The following AUTS2 variants were observed in gnomAD, a reference collection of about 807,000 sequenced individuals.
AUTS2 encodes the protein activator of transcription and developmental regulator AUTS2.
Under a neutral mutation model 112.4 loss-of-function variants are expected in AUTS2, and 17 were observed. The ratio of observed to expected loss-of-function variants is 0.15; its 90% CI spans 0.10 to 0.23. The LOEUF is 0.23. Ranked by LOEUF, AUTS2 falls within the 10% of genes least tolerant of loss-of-function variation. The probability of loss-of-function intolerance (pLI) is 1.00; values close to 1 mark genes in which losing one functional copy is unlikely to be tolerated. For missense variants in AUTS2, 1,510 were observed against 1,701.6 expected, an observed-to-expected ratio of 0.89 and a Z score of 1.98; for synonymous variants, 751 against 702.7, an observed-to-expected ratio of 1.07 and a Z score of -1.09.
intron 4 of AUTS2, among the ~76,000 whole-genome samples, chr7:70,350,834 C>G (rs1350863860): frequency 6.6e-6 from 1 of 152,160 alleles, no homozygotes; most frequent in Non-Finnish European, 1.5e-5. Context: ...CTAGACTTAA[C>G]TGCAAGTTTC....
chr7:70,457,108 G>A (rs1437249749), intron 5 of AUTS2, among the ~76,000 whole-genome samples: 2 of 152,212 alleles, frequency 1.3e-5, no homozygotes, highest in African/African-American at 4.8e-5. Context: ...CAGTCAGTGT[G>A]ACAGTGAACA....
chr7:70,316,143 T>C lies in AUTS2; in HGVS notation c.661-119609T>C, dbSNP rs529717382. Among the ~76,000 whole-genome samples, 63 of 152,326 alleles carry C rather than the reference T, an allele frequency of 4.1e-4. 1 individual carries two copies. Among genetic ancestry groups the C allele is most frequent in the African/African-American group, 1.3e-3 (55 of 41,584 alleles). ...GTCATAATGTAATAAGAAGTGGGGATAAGTGGTTGATTAACCAAAAGTTAG... is the reference window on the plus strand; with the variant it reads ...GTCATAATGTAATAAGAAGTGGGGACAAGTGGTTGATTAACCAAAAGTTAG... On this transcript the variant is annotated intron_variant, in intron 4 of 18. Transcript: ENST00000342771.
intron 5 of AUTS2, among the ~76,000 whole-genome samples, chr7:70,594,144 CCTCTAA>C (rs1432738885): frequency 1.3e-5 from 2 of 152,140 alleles, no homozygotes; most frequent in Non-Finnish European, 2.9e-5. Flanking sequence ...CCCTAGAGGG[CCTCTAA>C]CTGTGGCTGA....
chr7:70,726,878 A>G (rs1236045253), intron 6 of AUTS2, among the ~76,000 whole-genome samples: 1 of 152,216 alleles, frequency 6.6e-6, no homozygotes, highest in Non-Finnish European at 1.5e-5. Flanking sequence ...ATTTTAAAGC[A>G]TCTAAAAGCC....
chr7:70,702,373 C>G (rs1387345826), intron 6 of AUTS2, among the ~76,000 whole-genome samples: 1 of 152,190 alleles, frequency 6.6e-6, no homozygotes, highest in Non-Finnish European at 1.5e-5. Flanking sequence ...CAGGATTTAG[C>G]CCGTAACCAA....
chr7:69,732,237 C>T (rs1786830032), intron 1 of AUTS2, among the ~76,000 whole-genome samples: 1 of 152,104 alleles, frequency 6.6e-6, no homozygotes, highest in South Asian at 2.1e-4. Flanking sequence ...CCCTCCCTCC[C>T]CTTTGGTATT....
At chr7:70,634,265 G>T (rs577147344) in intron 5 of AUTS2, among the ~76,000 whole-genome samples, 3 of 152,228 alleles carry the variant, frequency 2.0e-5, no homozygotes, top group Non-Finnish European at 4.4e-5. Context: ...AAAGGGGCGT[G>T]TGAGCCAAGA....
At chr7:69,621,150 A>AGT (rs1225327340) in intron 1 of AUTS2, among the ~76,000 whole-genome samples, 1 of 152,168 alleles carries the variant, frequency 6.6e-6, no homozygotes, top group East Asian at 1.9e-4. Flanking sequence ...ATTCTCACAG[A>AGT]GTGGTTCTAT....
intron 4 of AUTS2, among the ~76,000 whole-genome samples, chr7:70,174,137 G>C (rs534637756): frequency 6.6e-6 from 1 of 152,218 alleles, no homozygotes; most frequent in African/African-American, 2.4e-5. Flanking sequence ...AATAATAGGT[G>C]CTACTCCAGT....
chr7:69,827,723 C>T (rs562364092), intron 1 of AUTS2, among the ~76,000 whole-genome samples: 30 of 152,288 alleles, frequency 2.0e-4, no homozygotes, highest in Non-Finnish European at 1.6e-4. Flanking sequence ...CATTTAAAGT[C>T]TCATGAAATG....
chr7:70,668,074 C>G (rs6973183), intron 5 of AUTS2, among the ~76,000 whole-genome samples: 101,588 of 152,156 alleles, frequency 0.67, 35,312 homozygotes, highest in African/African-American at 0.85. Flanking sequence ...CCACCTCCTG[C>G]GTCCAAGTGG....
chr7:70,071,821 C>T lies in AUTS2; in HGVS notation c.523-46311C>T, dbSNP rs183966762. Among the ~76,000 whole-genome samples the T allele has an allele frequency of 7.2e-5, 11 of 152,272 alleles. No individual in the cohort carries two copies. In the East Asian group the frequency reaches 1.9e-3, roughly 27 times the overall value. The stretch of plus-strand genomic sequence containing the variant: ...TTTAGACAAAAAAGAAATATTGTGG[C>T]TGGGGAAGCATTTAAGTTAGAGGAG... On this transcript the variant is annotated intron_variant, in intron 2 of 18. Transcript: ENST00000342771.
At position 70,350,483 on chromosome 7, in the gene AUTS2, C is replaced by T. The variant is rs190393944; in HGVS notation, c.661-85269C>T. Among the ~76,000 whole-genome samples, 87 of 152,228 alleles carry T rather than the reference C, an allele frequency of 5.7e-4. 1 individual carries two copies. The highest frequency in any genetic ancestry group is 5.4e-3 in the Admixed American group (83 of 15,286). On this transcript the variant is annotated intron_variant, in intron 4 of 18. Coordinates refer to ENST00000342771, the MANE Select transcript of AUTS2 (RefSeq NM_015570.4). ...AAGGTGCGAAGGAGGTGCAAAAGTA[C>T]GTCTTACATGGTGGCAGGCAAGGGA...
chr7:70,598,956 T>C (rs569080040), intron 5 of AUTS2, among the ~76,000 whole-genome samples: 1 of 152,318 alleles, frequency 6.6e-6, no homozygotes, highest in African/African-American at 2.4e-5. Context: ...AAACAAGACA[T>C]GAACAGGCCT....
intron 4 of AUTS2, among the ~76,000 whole-genome samples, chr7:70,198,231 A>AAG (rs1446537669): frequency 6.6e-6 from 1 of 151,064 alleles, no homozygotes; most frequent in African/African-American, 2.4e-5. Context: ...TAAAACCACA[A>AAG]AGATGGGGAA....
At chr7:69,815,523 A>G (rs1487320874) in intron 1 of AUTS2, among the ~76,000 whole-genome samples, 1 of 151,984 alleles carries the variant, frequency 6.6e-6, no homozygotes, top group Non-Finnish European at 1.5e-5. Flanking sequence ...CTTTATGACT[A>G]CTTTTTTTTT....
In AUTS2 at chr7:70,731,420, C is replaced by CTTTTT. The variant is rs56244002; in HGVS notation, c.743-31427_743-31423dup. ...GCTCATATATCCCCTTTACCCAGAT[C>CTTTTT]TTTTTTTTTTTTTTTTTTTTTTTTT... On this transcript the variant is annotated intron_variant, in intron 6 of 18. Transcript: ENST00000342771. Among the ~76,000 whole-genome samples, 404 of 69,512 alleles carry CTTTTT rather than the reference C, an allele frequency of 5.8e-3. 65 individuals carry two copies. Among genetic ancestry groups the CTTTTT allele is most frequent in the East Asian group, 0.026 (46 of 1,798 alleles). 45.6% of individuals were successfully genotyped at this position (69,512 alleles called of 152,430 possible).
intron 1 of AUTS2, among the ~76,000 whole-genome samples, chr7:69,604,550 G>A (rs550582397): frequency 1.3e-5 from 2 of 152,338 alleles, no homozygotes; most frequent in South Asian, 4.1e-4. Flanking sequence ...GTTCCAGAAG[G>A]CTTCATGGGT....
intron 5 of AUTS2, among the ~76,000 whole-genome samples, chr7:70,597,210 C>T (rs1377528362): frequency 6.6e-6 from 1 of 152,216 alleles, no homozygotes; most frequent in Non-Finnish European, 1.5e-5. Flanking sequence ...CCAAGCAAGA[C>T]TTTCAGCTGC....
Sources: allele counts gnomAD v4.1 joint callset (sites outside exome capture counted in the v4.1 genomes callset), GRCh38; gene constraint gnomAD v4.1.1; transcripts MANE v1.5; gene names NCBI Gene and HGNC (gene_info 2026-07-23, HGNC 2026-07-21).